Variants in C2 observed in about 807,000 individuals in gnomAD.
C2 encodes C3/C5 convertase.
Under a neutral mutation model 85.2 loss-of-function variants are expected in C2, and 64 were observed. The ratio of observed to expected loss-of-function variants is 0.75; its 90% CI spans 0.61 to 0.92. The LOEUF is 0.92. Ranked by LOEUF, C2 falls within the 40% of genes least tolerant of loss-of-function variation. C2 has a pLI of 0.00. For missense variants in C2, 820 were observed against 971.6 expected (o/e 0.84, Z 2.07); for synonymous variants, 311 against 370.8 (o/e 0.84, Z 1.85).
At position 31,936,042 on chromosome 6, in the gene C2, G is replaced by A. The variant is rs1770388069; in HGVS notation, c.969G>A (p.Leu323=). Residue 323 remains leucine (L), a synonymous_variant, in exon 7 of 18, where the codon CTG becomes CTA. Transcript: ENST00000299367. ...ATATGACTGAGGTGATCAGCAGCCT[G>A]GAAAATGCCAACTATAAAGGTACGG... is the stretch of plus-strand genomic sequence containing the variant. ...SRDMTEVISS[L]ENANYKDHEN... The A allele has an allele frequency of 6.2e-7, 1 of 1,613,004 alleles. No homozygotes were observed. Among genetic ancestry groups the A allele is most frequent in the Admixed American group, 1.7e-5 (1 of 60,010 alleles).
chr6:31,928,547 T>C (rs1300633791), intron 2 of C2, among the ~76,000 whole-genome samples, 185 bp from the exon 3 acceptor site: 1 of 152,164 alleles, frequency 6.6e-6, no homozygotes, highest in Non-Finnish European at 1.5e-5. Context: ...TTAGACTCTG[T>C]GAAATTGGCA....
upstream of C2, chr6:31,897,805 C>T (rs564523323): frequency 1.5e-5 from 15 of 1,004,660 alleles, no homozygotes; most frequent in African/African-American, 2.2e-4. Flanking sequence ...TGAGAGCGGC[C>T]TCGGAGATGG....
At chr6:31,936,331 A>G (rs1019745668) in intron 7 of C2, 3 of 487,964 alleles carry the variant, frequency 6.1e-6, no homozygotes, top group African/African-American at 5.9e-5. Context: ...TCTGGTTTGC[A>G]TGGCTGCACA....
At chr6:31,925,076 C>T (rs774636521), upstream of C2, among the ~76,000 whole-genome samples, 3 of 152,184 alleles carry the variant, frequency 2.0e-5, no homozygotes, top group Admixed American at 6.5e-5. Context: ...TGCTGTCCTA[C>T]TGTTAACTGA....
chr6:31,924,847 C>T (rs1769172781), upstream of C2, among the ~76,000 whole-genome samples: 2 of 152,184 alleles, frequency 1.3e-5, no homozygotes, highest in Non-Finnish European at 2.9e-5. Context: ...TGCCCCTTTG[C>T]CGTGTGACTT....
chr6:31,944,238 A>C lies in C2; in HGVS notation c.1902+12A>C. 2 of 1,573,424 alleles carry C rather than the reference A, an allele frequency of 1.3e-6. No homozygotes were observed. Among genetic ancestry groups the C allele is most frequent in the Non-Finnish European group, 1.7e-6 (2 of 1,143,958 alleles). On this transcript the variant is annotated intron_variant, in intron 15 of 17. Transcript: ENST00000299367. This position sits in a 1 kb window ranked among gnomAD's most constrained non-coding sequence, Gnocchi z 5.1. ...AGATGGGAGTGGAGGTGAGGGTCTCAGGTTGGGGATGCTGGGATCCCCCTG... is the reference window on the plus strand; with the variant it reads ...AGATGGGAGTGGAGGTGAGGGTCTCCGGTTGGGGATGCTGGGATCCCCCTG...
intron 3 of C2, among the ~76,000 whole-genome samples, chr6:31,931,633 A>G (rs1009827961): frequency 3.8e-4 from 58 of 152,226 alleles, no homozygotes; most frequent in African/African-American, 1.3e-3. Context: ...CTTAGTACAG[A>G]ACAAAATGAA....
chr6:31,900,912 C>T, upstream of C2: 1 of 1,614,160 alleles, frequency 6.2e-7, no homozygotes, highest in Non-Finnish European at 8.5e-7. The surrounding 1 kb of genome is among the most constrained non-coding windows in gnomAD (Gnocchi z 9.7). Flanking sequence ...TCTTTGAGGC[C>T]TATTTTGGGC....
chr6:31,901,377 C>T, intron 1 of C2: 3 of 1,490,656 alleles, frequency 2.0e-6, no homozygotes, highest in Non-Finnish European at 2.7e-6. Context: ...TCTCCGAAGC[C>T]AAGGCTCCAG....
intron 1 of C2, among the ~76,000 whole-genome samples, chr6:31,913,671 G>T (rs752229693): frequency 1.3e-5 from 2 of 151,742 alleles, no homozygotes; most frequent in Non-Finnish European, 2.9e-5. Flanking sequence ...TTTTGAGATG[G>T]AGTCTCATTC....
chr6:31,926,607 C>T (rs977265499), upstream of C2, among the ~76,000 whole-genome samples: 2 of 151,712 alleles, frequency 1.3e-5, no homozygotes, highest in African/African-American at 4.8e-5. Flanking sequence ...GCTGGGATTA[C>T]AGGCGTGAGT....
At chr6:31,910,328 A>C (rs1768007277) in intron 1 of C2, among the ~76,000 whole-genome samples, 1 of 149,702 alleles carries the variant, frequency 6.7e-6, no homozygotes. Context: ...TATCTATTCA[A>C]GTCCTTTGCT....
upstream of C2, among the ~76,000 whole-genome samples, chr6:31,923,444 ATCTCAGCCT>A (rs1769089523): frequency 1.3e-5 from 2 of 152,074 alleles, no homozygotes; most frequent in Non-Finnish European, 2.9e-5. Flanking sequence ...CACACACGCC[ATCTCAGCCT>A]TGTCTGCTTA....
rs1771336152 is a variant in C2 at position 31,945,558 on chromosome 6, T to C, written c.*201T>C. 1 of 619,678 alleles carries C rather than the reference T, an allele frequency of 1.6e-6. No homozygotes were observed. Among genetic ancestry groups the C allele is most frequent in the African/African-American group, 1.8e-5 (1 of 54,740 alleles). 38.4% of individuals were successfully genotyped at this position (619,678 alleles called of 1,614,324 possible). ...AGCAGGACTGCCTCGCTGCCCCACCTCCCGCTCCTTGGCCTGTCCCCAGAT... is the reference window on the plus strand; with the variant it reads ...AGCAGGACTGCCTCGCTGCCCCACCCCCCGCTCCTTGGCCTGTCCCCAGAT... On this transcript the variant is annotated 3_prime_UTR_variant, in exon 18 of 18. Transcript: ENST00000299367. The surrounding 1 kb of genome is among the most constrained non-coding windows in gnomAD (Gnocchi z 5.3).
In C2 at chr6:31,943,313, T is replaced by C; in HGVS notation, c.1449T>C (p.Thr483=). ...AGGAGAGGACACCCTGGCATGTCAC[T>C]ATTAAGGTACCAGGAAGGAGGGGCA... ...SDQERTPWHV[T]IKPKSQETCR... Residue 483 remains threonine (T), a synonymous_variant, in exon 11 of 18, where the codon ACT becomes ACC. Coordinates refer to ENST00000299367, the MANE Select transcript of C2 (RefSeq NM_000063.6). The surrounding 1 kb of genome is among the most constrained non-coding windows in gnomAD (Gnocchi z 6.4). The C allele has an allele frequency of 8.1e-6, 13 of 1,612,850 alleles. No homozygotes were observed. Among genetic ancestry groups the C allele is most frequent in the Non-Finnish European group, 1.1e-5 (13 of 1,179,838 alleles).
intron 1 of C2, among the ~76,000 whole-genome samples, chr6:31,905,607 TAATAA>T (rs33994235): frequency 0.76 from 114,468 of 151,010 alleles, 44,247 homozygotes; most frequent in Middle Eastern, 0.89. Context: ...GTCTCAAAAA[TAATAA>T]AATAATAAAT....
chr6:31,932,959 T>C (rs1770034763), intron 3 of C2, among the ~76,000 whole-genome samples: 1 of 152,134 alleles, frequency 6.6e-6, no homozygotes, highest in Non-Finnish European at 1.5e-5. Context: ...ACTAACAAAA[T>C]ACGAAAACCA....
chr6:31,944,630 C>T lies in C2; in HGVS notation c.1903-97C>T. ...TCCTGACCTCAAGTGATCTGCCTGCCTCAACCTCCCAAAGTGCTGAGATTA... is the reference window on the plus strand; with the variant it reads ...TCCTGACCTCAAGTGATCTGCCTGCTTCAACCTCCCAAAGTGCTGAGATTA... On this transcript the variant is annotated intron_variant, in intron 15 of 17. Coordinates refer to ENST00000299367, the MANE Select transcript of C2 (RefSeq NM_000063.6). The surrounding 1 kb of genome is among the most constrained non-coding windows in gnomAD (Gnocchi z 5.1). 1 of 1,382,070 alleles carries T rather than the reference C, an allele frequency of 7.2e-7. No homozygotes were observed. The highest frequency in any genetic ancestry group is 1.0e-6 in the Non-Finnish European group (1 of 971,938). The allele number at this position is 1,382,070 out of a possible 1,614,324, so 85.6% of individuals were successfully genotyped here. A position where few individuals can be genotyped will look rare whatever the true frequency, so the allele number is the denominator to read the frequency against.
Position 31,943,581 on chromosome 6 carries a change from C to A in C2, c.1567+54C>A. The A allele has an allele frequency of 6.2e-7, 1 of 1,608,266 alleles. No homozygotes were observed. Among genetic ancestry groups the A allele is most frequent in the Non-Finnish European group, 8.5e-7 (1 of 1,175,726 alleles). ...ATCCTGAAGCCACAGATCCTACCAC[C>A]TCACCCAGCCTCTGGCCCCTGCAGG... On this transcript the variant is annotated intron_variant, in intron 12 of 17. Coordinates refer to ENST00000299367, the MANE Select transcript of C2 (RefSeq NM_000063.6). The surrounding 1 kb of genome is among the most constrained non-coding windows in gnomAD (Gnocchi z 6.4).
Sources: allele counts gnomAD v4.1 joint callset (sites outside exome capture counted in the v4.1 genomes callset), GRCh38; gene constraint gnomAD v4.1.1; non-coding constraint Gnocchi (gnomAD v3.1); transcripts MANE v1.5; gene names NCBI Gene and HGNC (gene_info 2026-07-23, HGNC 2026-07-21).